LEKR1: variants seen among roughly 807,000 people sequenced by gnomAD.
LEKR1 encodes the protein leucine, glutamate and lysine rich 1, also known as protein LEKR1.
A neutral mutation model predicts 72.4 loss-of-function variants in LEKR1; 59 were observed. The ratio of observed to expected loss-of-function variants is 0.82; its 90% CI spans 0.66 to 1.01. LEKR1 has a LOEUF of 1.01. Ranked by LOEUF, LEKR1 falls within the 50% of genes least tolerant of loss-of-function variation. The pLI, the probability that LEKR1 is intolerant of heterozygous loss-of-function variation, is 0.00. For missense variants in LEKR1, 728 were observed against 759.2 expected (o/e 0.96, Z 0.48); for synonymous variants, 257 against 263.2 (o/e 0.98, Z 0.23).
intron 3 of LEKR1, among the ~76,000 whole-genome samples, chr3:156,898,026 A>T (rs917222519): frequency 1.3e-5 from 2 of 152,172 alleles, no homozygotes; most frequent in African/African-American, 2.4e-5. Flanking sequence ...TTTAGAGACA[A>T]TAGGTGACAA....
At chr3:156,982,597 T>C (rs567124764) in intron 7 of LEKR1, among the ~76,000 whole-genome samples, 2 of 152,294 alleles carry the variant, frequency 1.3e-5, no homozygotes, top group East Asian at 1.9e-4. Flanking sequence ...GGAAATAAGC[T>C]GTAGTGAATG....
chr3:156,884,071 TCTGA>T lies in LEKR1; in HGVS notation c.263+31090_263+31093del, dbSNP rs1451935853. On this transcript the variant is annotated intron_variant, in intron 3 of 12. Transcript: ENST00000356539. Reference sequence around the variant, plus strand: ...TGTTGTTGCTTTAACATCAGTTTTGTCTGATATAAGAATAGCTATTCCTGCTCAC... The same window carrying T: ...TGTTGTTGCTTTAACATCAGTTTTGTTATAAGAATAGCTATTCCTGCTCAC... 2.0e-5 allele frequency among the ~76,000 whole-genome samples: 3 copies of T among 152,236 alleles called. No homozygotes were observed. In the East Asian group the frequency reaches 5.8e-4, roughly 29 times the overall value.
At position 157,045,690 on chromosome 3, in the gene LEKR1, A is replaced by T. The variant is rs77161337; in HGVS notation, c.2019A>T (p.Ser673=). ...QPHPPRGGAS[S]ANETRQRLAA... The stretch of plus-strand genomic sequence containing the variant: ...ATCCTCCCAGGGGTGGAGCATCTTC[A>T]GCAAATGAGACTAGACAGAGACTGG... Residue 673 remains serine, a synonymous_variant, in exon 13 of 13, where the codon TCA becomes TCT. Transcript: ENST00000356539. 1,877 of 1,613,620 alleles carry T rather than the reference A, an allele frequency of 1.2e-3. 9 individuals carry two copies. In the African/African-American group the frequency reaches 0.021, roughly 18 times the overall value.
chr3:156,878,786 G>A (rs578180267), intron 3 of LEKR1, among the ~76,000 whole-genome samples: 12 of 152,052 alleles, frequency 7.9e-5, no homozygotes, highest in African/African-American at 2.4e-4. Context: ...GGAGGAACTC[G>A]GTGGGAAATA....
intron 3 of LEKR1, among the ~76,000 whole-genome samples, chr3:156,884,162 G>A (rs1391917925): frequency 6.6e-6 from 1 of 152,126 alleles, no homozygotes; most frequent in African/African-American, 2.4e-5. Flanking sequence ...TTATGTCAGT[G>A]CTCATGTTTT....
chr3:156,892,331 G>T (rs1720749962), intron 3 of LEKR1, among the ~76,000 whole-genome samples: 1 of 152,172 alleles, frequency 6.6e-6, no homozygotes, highest in Non-Finnish European at 1.5e-5. Flanking sequence ...AGGACAGATT[G>T]ATAGATGGGA....
intron 4 of LEKR1, chr3:156,924,682 T>C (rs1724540640): frequency 4.7e-6 from 2 of 425,312 alleles, no homozygotes; most frequent in Non-Finnish European, 8.3e-6. Context: ...TATTCAATTG[T>C]TCCAGTGCTG....
chr3:156,915,993 C>A (rs1182717020), intron 3 of LEKR1, among the ~76,000 whole-genome samples: 1 of 152,080 alleles, frequency 6.6e-6, no homozygotes, highest in Non-Finnish European at 1.5e-5. Flanking sequence ...AGCCAGTTAC[C>A]CTAGCACCAT....
At chr3:156,840,496 A>G (rs1472011883) in intron 2 of LEKR1, among the ~76,000 whole-genome samples, 1 of 152,228 alleles carries the variant, frequency 6.6e-6, no homozygotes, top group Non-Finnish European at 1.5e-5. Context: ...ATAACCTCAA[A>G]CTTTATCATC....
chr3:157,012,218 G>C (rs1231446980), intron 10 of LEKR1, among the ~76,000 whole-genome samples: 1 of 151,892 alleles, frequency 6.6e-6, no homozygotes, highest in Non-Finnish European at 1.5e-5. Flanking sequence ...TTGATCTCTG[G>C]GCCCTATTCT....
At chr3:156,907,420 AT>A (rs1484437484) in intron 3 of LEKR1, among the ~76,000 whole-genome samples, 1 of 151,902 alleles carries the variant, frequency 6.6e-6, no homozygotes, top group Non-Finnish European at 1.5e-5. Context: ...TTATATTTTT[AT>A]TTTTTGTATA....
Position 156,982,498 on chromosome 3 carries a change from A to C in LEKR1, c.827+3223A>C, listed in dbSNP as rs561833437. 2.6e-5 allele frequency among the ~76,000 whole-genome samples: 4 copies of C among 152,326 alleles called. No individual in the cohort carries two copies. The South Asian group carries it at 8.3e-4, about 32-fold the overall frequency. The stretch of plus-strand genomic sequence containing the variant: ...TTACATATCCTCTCCTAAGTGAACC[A>C]CTGGCAAGGGGAACAGGGCTGCTAC... On this transcript the variant is annotated intron_variant, in intron 7 of 12. Transcript: ENST00000356539.
In LEKR1 at chr3:156,993,295, T is replaced by C; in HGVS notation, c.1109+18T>C. 6.6e-7 allele frequency: 1 copy of C among 1,514,322 alleles called. No individual in the cohort carries two copies. The highest frequency in any genetic ancestry group is 8.9e-7 in the Non-Finnish European group (1 of 1,117,804). 93.8% of individuals were successfully genotyped at this position (1,514,322 alleles called of 1,614,324 possible). A position where few individuals can be genotyped will look rare whatever the true frequency, so the allele number is the denominator to read the frequency against. On this transcript the variant is annotated intron_variant, in intron 9 of 12. Coordinates refer to ENST00000356539, the MANE Select transcript of LEKR1 (RefSeq NM_001004316.3). ...AATGAAAGGTGCAGTAAACAATAAT[T>C]TCTTACAAAAACATTTTATGTTTAA...
chr3:156,882,015 G>T (rs1289251837), intron 3 of LEKR1, among the ~76,000 whole-genome samples: 33 of 128,122 alleles, frequency 2.6e-4, no homozygotes, highest in African/African-American at 3.5e-4. Flanking sequence ...ATGGATTAAA[G>T]ACTTAAACGT....
In LEKR1 at chr3:156,830,631, A is replaced by G. The variant is rs1233855542; in HGVS notation, c.48+1254A>G. Among the ~76,000 whole-genome samples the G allele has an allele frequency of 3.3e-5, 5 of 152,328 alleles. No homozygotes were observed. The East Asian group carries it at 9.6e-4, about 29-fold the overall frequency. On this transcript the variant is annotated intron_variant, in intron 2 of 12. Coordinates refer to ENST00000356539, the MANE Select transcript of LEKR1 (RefSeq NM_001004316.3). ...GAAAGCATAGTTTTTATGTGGGTGCAGAATTGTTATAAGAAAGGCATACCT... is the reference window on the plus strand; with the variant it reads ...GAAAGCATAGTTTTTATGTGGGTGCGGAATTGTTATAAGAAAGGCATACCT...
At chr3:156,924,134 A>G (rs1724486385) in intron 4 of LEKR1, among the ~76,000 whole-genome samples, 1 of 151,900 alleles carries the variant, frequency 6.6e-6, no homozygotes, top group Admixed American at 6.6e-5. Flanking sequence ...TTTTGTCAAC[A>G]CTCCCTATTG....
intron 12 of LEKR1, among the ~76,000 whole-genome samples, chr3:157,029,055 C>A (rs115287448): frequency 8.8e-4 from 134 of 152,178 alleles, no homozygotes; most frequent in African/African-American, 3.1e-3. Flanking sequence ...AATATTTGAT[C>A]CCTTTGATGA....
intron 3 of LEKR1, among the ~76,000 whole-genome samples, chr3:156,895,002 C>G (rs1042209781): frequency 2.0e-5 from 3 of 152,104 alleles, no homozygotes; most frequent in Non-Finnish European, 4.4e-5. Flanking sequence ...ATGAAAACAC[C>G]AAAAGCAATT....
intron 4 of LEKR1, chr3:156,921,124 T>C (rs1052592069): frequency 1.3e-5 from 2 of 152,542 alleles, no homozygotes; most frequent in Non-Finnish European, 2.9e-5. Context: ...TCTGCTTTTA[T>C]ATAATCTTTG....
Sources: gnomAD v4.1 joint callset for allele counts (sites outside exome capture counted in the v4.1 genomes callset) on GRCh38, gnomAD v4.1.1 for gene constraint, MANE v1.5 for transcripts, NCBI Gene and HGNC (gene_info 2026-07-23, HGNC 2026-07-21) for gene names.